The following PACRG variants were observed in gnomAD, a reference collection of about 807,000 sequenced individuals.
PACRG encodes parkin coregulated, also known as parkin coregulated gene protein.
PACRG carries 29 observed loss-of-function variants against 29.7 expected under a neutral mutation model. The observed-to-expected ratio is 0.98, with a 90% CI of 0.73 to 1.33. PACRG has a LOEUF of 1.33. PACRG is among the 40% of genes most tolerant of loss of function. The pLI, the probability that PACRG is intolerant of heterozygous loss-of-function variation, is 0.00. For missense variants in PACRG, 279 were observed against 316.2 expected (o/e 0.88, Z 0.89); for synonymous variants, 116 against 118.7 (o/e 0.98, Z 0.15).
intron 4 of PACRG, among the ~76,000 whole-genome samples, chr6:163,175,746 G>GGAC (rs1335390613): frequency 1.4e-5 from 2 of 140,122 alleles, no homozygotes; most frequent in Non-Finnish European, 3.0e-5. Flanking sequence ...ACCTGTCAAA[G>GGAC]GAGGAGGAGG....
At chr6:162,919,079 C>A (rs1300815401) in intron 2 of PACRG, among the ~76,000 whole-genome samples, 1 of 152,036 alleles carries the variant, frequency 6.6e-6, no homozygotes, top group Non-Finnish European at 1.5e-5. Context: ...TAGAGGTAGA[C>A]CACTCCCACT....
chr6:163,283,669 CG>C (rs1375478922), intron 4 of PACRG, among the ~76,000 whole-genome samples: 3 of 151,700 alleles, frequency 2.0e-5, no homozygotes, highest in East Asian at 3.9e-4. Flanking sequence ...GGCGCGGTGG[CG>C]GGCGCCTGTA....
rs1340109371 is a variant in PACRG, at chr6:162,984,856, TG to T, written c.292-77292del. Among the ~76,000 whole-genome samples, 18 of 113,444 alleles carry T rather than the reference TG, an allele frequency of 1.6e-4. No individual in the cohort carries two copies. The South Asian group carries it at 2.1e-3, about 13-fold the overall frequency. 74.4% of individuals were successfully genotyped at this position (113,444 alleles called of 152,430 possible). Reference sequence around the variant, plus strand: ...TCCTTAGCCCACTTTTTGATGCGATTGGTTTTTTTTTTTTCTTGCTGATTTG... The same window carrying T: ...TCCTTAGCCCACTTTTTGATGCGATTGTTTTTTTTTTTTCTTGCTGATTTG... On this transcript the variant is annotated intron_variant, in intron 2 of 4. Coordinates refer to ENST00000366888, the MANE Select transcript of PACRG (RefSeq NM_001080379.2).
chr6:163,232,549 A>G (rs1433754022), intron 4 of PACRG, among the ~76,000 whole-genome samples: 1 of 152,210 alleles, frequency 6.6e-6, no homozygotes, highest in Non-Finnish European at 1.5e-5. Flanking sequence ...AATAAGAAGC[A>G]GAGATGAGAA....
intron 4 of PACRG, among the ~76,000 whole-genome samples, chr6:163,280,678 T>A (rs1212751311): frequency 3.3e-5 from 5 of 152,186 alleles, no homozygotes; most frequent in Non-Finnish European, 7.3e-5. Flanking sequence ...TTTCCTGGCT[T>A]GCAGGTGACC....
intron 4 of PACRG, among the ~76,000 whole-genome samples, chr6:163,117,537 A>G (rs2128322913): frequency 6.6e-6 from 1 of 152,306 alleles, no homozygotes; most frequent in South Asian, 2.1e-4. Flanking sequence ...GGATCACTTG[A>G]GATCAGGAGT....
intron 2 of PACRG, among the ~76,000 whole-genome samples, chr6:163,001,654 T>C (rs914728173): frequency 1.3e-5 from 2 of 152,170 alleles, no homozygotes; most frequent in Non-Finnish European, 2.9e-5. Flanking sequence ...ATTGTTACTT[T>C]AGGGAATTGT....
chr6:163,035,850 C>T (rs1295311084), intron 2 of PACRG, among the ~76,000 whole-genome samples: 1 of 146,852 alleles, frequency 6.8e-6, no homozygotes, highest in East Asian at 2.1e-4. Flanking sequence ...AATGCCTTAA[C>T]CGCCTGGGAA....
chr6:163,133,866 A>G (rs1311283341), intron 4 of PACRG, among the ~76,000 whole-genome samples: 12 of 152,192 alleles, frequency 7.9e-5, no homozygotes, highest in Admixed American at 7.9e-4. Flanking sequence ...CGTTCATCTT[A>G]ATATTGTGCA....
intron 2 of PACRG, among the ~76,000 whole-genome samples, chr6:162,857,850 C>T (rs1584562639): frequency 6.6e-6 from 1 of 151,432 alleles, no homozygotes; most frequent in African/African-American, 2.4e-5. Context: ...CACTTAAATG[C>T]AACTGTGTTA....
intron 2 of PACRG, among the ~76,000 whole-genome samples, chr6:162,891,810 A>C (rs1316748111): frequency 1.3e-5 from 2 of 152,154 alleles, no homozygotes; most frequent in African/African-American, 4.8e-5. Context: ...GATGAGACCA[A>C]CTGGAATGAG....
intron 4 of PACRG, among the ~76,000 whole-genome samples, chr6:163,127,405 A>G (rs1161922249): frequency 6.6e-6 from 1 of 152,216 alleles, no homozygotes; most frequent in Admixed American, 6.5e-5. Flanking sequence ...TAATATTGCC[A>G]TGGAGAGAGA....
At chr6:163,103,533 A>G (rs547159345) in intron 4 of PACRG, among the ~76,000 whole-genome samples, 44 of 152,128 alleles carry the variant, frequency 2.9e-4, no homozygotes, top group African/African-American at 1.0e-3. Context: ...TTTTTGTTAC[A>G]AGGCATGGAA....
At chr6:163,097,123 C>T (rs578123899) in intron 4 of PACRG, among the ~76,000 whole-genome samples, 2 of 152,190 alleles carry the variant, frequency 1.3e-5, no homozygotes, top group East Asian at 1.9e-4. Flanking sequence ...ACTGGCCTGC[C>T]CCAGTGAACT....
rs150563941 is a variant in PACRG at position 162,897,638 on chromosome 6, G to A, written c.291+83357G>A. 3.5e-4 allele frequency among the ~76,000 whole-genome samples: 54 copies of A among 152,324 alleles called. No homozygotes were observed. In the East Asian group the frequency reaches 9.7e-3, roughly 27 times the overall value. ...ATAATCGCTTCTGGTTGCCATCTTGGTAACGTTACACTGAGGTGCTGGAGA... is the reference window on the plus strand; with the variant it reads ...ATAATCGCTTCTGGTTGCCATCTTGATAACGTTACACTGAGGTGCTGGAGA... On this transcript the variant is annotated intron_variant, in intron 2 of 4. Coordinates refer to ENST00000366888, the MANE Select transcript of PACRG (RefSeq NM_001080379.2).
chr6:163,093,968 G>T (rs1270589206), intron 4 of PACRG, among the ~76,000 whole-genome samples: 1 of 152,176 alleles, frequency 6.6e-6, no homozygotes, highest in East Asian at 1.9e-4. Context: ...CTAAGAAATA[G>T]AAGTAATTAT....
chr6:163,087,758 G>T (rs962526119), intron 3 of PACRG, among the ~76,000 whole-genome samples: 7 of 151,738 alleles, frequency 4.6e-5, no homozygotes, highest in Non-Finnish European at 1.0e-4. Flanking sequence ...CACTGGAGGA[G>T]AGGAGGTGAG....
intron 4 of PACRG, among the ~76,000 whole-genome samples, chr6:163,116,748 C>T (rs953423070): frequency 1.3e-5 from 2 of 152,030 alleles, no homozygotes; most frequent in African/African-American, 2.4e-5. Flanking sequence ...GAAGTTGGCA[C>T]CTTAAAATCA....
chr6:162,784,619 A>G (rs1157973487), intron 1 of PACRG, among the ~76,000 whole-genome samples: 1 of 152,158 alleles, frequency 6.6e-6, no homozygotes. Context: ...GAGTGGTGTG[A>G]TATAAAAATC....
Sources: gnomAD v4.1 joint callset for allele counts (sites outside exome capture counted in the v4.1 genomes callset) on GRCh38, gnomAD v4.1.1 for gene constraint, MANE v1.5 for transcripts, NCBI Gene and HGNC (gene_info 2026-07-23, HGNC 2026-07-21) for gene names.